The following ACYP2 variants were observed in gnomAD, a reference collection of about 807,000 sequenced individuals.
ACYP2 encodes acylphosphatase 2.
ACYP2 carries 12 observed loss-of-function variants against 11.2 expected under a neutral mutation model. The ratio of observed to expected loss-of-function variants is 1.08; its 90% CI spans 0.69 to 1.74. The LOEUF (loss-of-function observed/expected upper bound fraction) is 1.74. ACYP2 is among the 40% of genes most tolerant of loss of function. The pLI is 0.00. For missense variants in ACYP2, 134 were observed against 101.9 expected, an observed-to-expected ratio of 1.31 and a Z score of -1.35; for synonymous variants, 43 against 32.2, an observed-to-expected ratio of 1.33 and a Z score of -1.13.
intron 6 of ACYP2, among the ~76,000 whole-genome samples, chr2:54,248,289 G>C (rs1285980555): frequency 6.6e-6 from 1 of 152,108 alleles, no homozygotes; most frequent in Non-Finnish European, 1.5e-5. Context: ...GTTTGATTAG[G>C]TTTTCATTAG....
chr2:54,039,820 TGTG>T (rs1675128174), intron 2 of ACYP2, among the ~76,000 whole-genome samples: 1 of 7,032 alleles, frequency 1.4e-4, no homozygotes, highest in Admixed American at 2.3e-3. Context: ...TGTTTTCTTT[TGTG>T]TGTGTGTGTG....
chr2:54,137,746 TGTG>T (rs1291278686), intron 5 of ACYP2, among the ~76,000 whole-genome samples: 4 of 152,166 alleles, frequency 2.6e-5, no homozygotes, highest in Non-Finnish European at 5.9e-5. Context: ...TGAACATATG[TGTG>T]TATGTGTGTT....
intron 3 of ACYP2, chr2:54,051,062 C>T (rs971039003): frequency 9.9e-6 from 5 of 504,360 alleles, no homozygotes; most frequent in East Asian, 6.3e-5. Flanking sequence ...TGAGAACCAC[C>T]GTCCTTGGTC....
At chr2:54,072,410 A>G (rs1296806966) in intron 4 of ACYP2, among the ~76,000 whole-genome samples, 1 of 151,906 alleles carries the variant, frequency 6.6e-6, no homozygotes, top group African/African-American at 2.4e-5. Context: ...AGCTCTAGTG[A>G]TCTTCCCACC....
intron 4 of ACYP2, among the ~76,000 whole-genome samples, chr2:54,116,038 T>G (rs1679770482): frequency 6.6e-6 from 1 of 151,552 alleles, no homozygotes; most frequent in Non-Finnish European, 1.5e-5. Flanking sequence ...GGTGCGGGAG[T>G]AAGCGGCACG....
chr2:54,148,193 A>G (rs1384572438), intron 6 of ACYP2, among the ~76,000 whole-genome samples: 2 of 152,158 alleles, frequency 1.3e-5, no homozygotes, highest in East Asian at 3.8e-4. Flanking sequence ...AAATAGGGTC[A>G]TATGGTTACT....
chr2:54,133,679 A>G lies in ACYP2; in HGVS notation c.278-1774A>G, dbSNP rs76545045. On this transcript the variant is annotated intron_variant, in intron 4 of 6. Transcript: ENST00000607452. The stretch of plus-strand genomic sequence containing the variant: ...TGGATCAAGAGTTTTCCAAGTTGCA[A>G]TTTGAAGGACTGACTTGAGATCTGT... Among the ~76,000 whole-genome samples the G allele has an allele frequency of 6.7e-3, 1,020 of 152,282 alleles. 15 individuals are homozygous for G. The highest frequency in any genetic ancestry group is 0.022 in the African/African-American group (925 of 41,564).
At chr2:54,119,568 T>C (rs1680024971) in intron 4 of ACYP2, among the ~76,000 whole-genome samples, 1 of 152,224 alleles carries the variant, frequency 6.6e-6, no homozygotes, top group Non-Finnish European at 1.5e-5. Context: ...GTGAAAATTG[T>C]TTCAATGACA....
At chr2:53,974,700 CA>C (rs370183736) in intron 2 of ACYP2, among the ~76,000 whole-genome samples, 94 of 152,230 alleles carry the variant, frequency 6.2e-4, no homozygotes, top group African/African-American at 2.2e-3. Context: ...AATAGAATGA[CA>C]AAAGATCAAG....
intron 4 of ACYP2, among the ~76,000 whole-genome samples, chr2:54,129,837 T>C (rs995016317): frequency 1.3e-5 from 2 of 148,562 alleles, no homozygotes; most frequent in African/African-American, 4.9e-5. Flanking sequence ...ATTCACAATA[T>C]ACATTAACAA....
chr2:54,243,200 A>G (rs1178840942), intron 6 of ACYP2, among the ~76,000 whole-genome samples: 1 of 152,150 alleles, frequency 6.6e-6, no homozygotes, highest in Non-Finnish European at 1.5e-5. Flanking sequence ...CTGGGGATAC[A>G]TTCTGAGAAA....
In ACYP2 at chr2:54,035,457, T is replaced by C. The variant is rs1040650260; in HGVS notation, c.63-15501T>C. On this transcript the variant is annotated intron_variant, in intron 2 of 6. Coordinates refer to ENST00000607452, the MANE Select transcript of ACYP2 (RefSeq NM_001320586.2). The stretch of plus-strand genomic sequence containing the variant: ...ATTTTTTGTGTTTTTAGTAGAGACG[T>C]GGTTTCACTGTGTTAGCCAGGATGG... 4.6e-5 allele frequency among the ~76,000 whole-genome samples: 7 copies of C among 151,884 alleles called. No homozygotes were observed. The East Asian group carries it at 1.4e-3, about 30-fold the overall frequency.
intron 6 of ACYP2, among the ~76,000 whole-genome samples, chr2:54,301,802 TA>T (rs2104171260): frequency 6.6e-6 from 1 of 152,312 alleles, no homozygotes; most frequent in Non-Finnish European, 1.5e-5. Flanking sequence ...CAGCCACACT[TA>T]CCAAAGACTG....
chr2:54,026,871 A>G (rs1674315164), intron 2 of ACYP2, among the ~76,000 whole-genome samples: 1 of 151,670 alleles, frequency 6.6e-6, no homozygotes, highest in Admixed American at 6.6e-5. Flanking sequence ...ATGCAAAGGC[A>G]TAAGAATGAT....
At chr2:54,013,540 T>C (rs1311177890) in intron 2 of ACYP2, among the ~76,000 whole-genome samples, 1 of 151,774 alleles carries the variant, frequency 6.6e-6, no homozygotes, top group Non-Finnish European at 1.5e-5. Flanking sequence ...CCTCAGGTGA[T>C]CCACCCACCT....
chr2:54,133,781 A>G (rs1445075216), intron 4 of ACYP2, among the ~76,000 whole-genome samples: 1 of 152,188 alleles, frequency 6.6e-6, no homozygotes, highest in African/African-American at 2.4e-5. Flanking sequence ...CCCATACCAT[A>G]AATACATATC....
intron 2 of ACYP2, among the ~76,000 whole-genome samples, chr2:53,996,017 C>A (rs1480096667): frequency 6.6e-6 from 1 of 151,774 alleles, no homozygotes; most frequent in African/African-American, 2.4e-5. Context: ...GTCTGTAATC[C>A]CAGCTACATG....
intron 6 of ACYP2, among the ~76,000 whole-genome samples, chr2:54,207,069 GTA>G (rs1685100966): frequency 6.6e-6 from 1 of 151,358 alleles, no homozygotes; most frequent in Non-Finnish European, 1.5e-5. Flanking sequence ...TAGAGGGAAA[GTA>G]TGTGTCTGTA....
rs537739559 is a variant in ACYP2 at position 53,992,347 on chromosome 2, G to C, written c.62+18537G>C. Among the ~76,000 whole-genome samples the C allele has an allele frequency of 3.9e-5, 6 of 152,166 alleles. No individual in the cohort carries two copies. In the East Asian group the frequency reaches 1.2e-3, roughly 29 times the overall value. ...AACCTATAGACAAGTTTTTAATCAG[G>C]AAAATGATATAAATTGATTTAAACT... On this transcript the variant is annotated intron_variant, in intron 2 of 6. Transcript: ENST00000607452.
Sources: allele counts gnomAD v4.1 joint callset (sites outside exome capture counted in the v4.1 genomes callset), GRCh38; gene constraint gnomAD v4.1.1; transcripts MANE v1.5; gene names NCBI Gene and HGNC (gene_info 2026-07-23, HGNC 2026-07-21).